The following LSM12 variants were observed in gnomAD, a reference collection of about 807,000 sequenced individuals.
The protein encoded by LSM12 is LSM12 homolog.
For synonymous variants in LSM12, 74 were observed against 87.3 expected (o/e 0.85, Z 0.85); for missense variants, 108 against 238.9 (o/e 0.45, Z 3.61).
At chr17:44,057,129 C>T (rs965576756) in intron 2 of LSM12, among the ~76,000 whole-genome samples, 3 of 151,372 alleles carry the variant, frequency 2.0e-5, no homozygotes, top group Non-Finnish European at 4.4e-5. Context: ...GCACTCCAGC[C>T]TGGGCAACAG....
chr17:44,044,730 G>A (rs1417256682), intron 2 of LSM12, among the ~76,000 whole-genome samples: 3 of 152,150 alleles, frequency 2.0e-5, no homozygotes, highest in Non-Finnish European at 2.9e-5. Context: ...TGAGGGTGGG[G>A]AGAAGGAGAT....
At position 44,058,944 on chromosome 17, in the gene LSM12, G is replaced by A. The variant is rs374469992; in HGVS notation, c.258+4857C>T. On this transcript the variant is annotated intron_variant, in intron 2 of 4. Transcript: ENST00000293406. ...AGCGAACCCTGGAGGTCGAGGCTGCGGTGAGCTGTGACTGCATCATTTGCA... is the reference window on the plus strand; with the variant it reads ...AGCGAACCCTGGAGGTCGAGGCTGCAGTGAGCTGTGACTGCATCATTTGCA... Among the ~76,000 whole-genome samples the A allele has an allele frequency of 7.9e-5, 12 of 151,970 alleles. No homozygotes were observed. In the South Asian group the frequency reaches 8.3e-4, roughly 11 times the overall value.
chr17:44,049,737 G>C (rs562167808), intron 2 of LSM12, among the ~76,000 whole-genome samples: 5 of 152,324 alleles, frequency 3.3e-5, no homozygotes, highest in African/African-American at 1.2e-4. Flanking sequence ...GCCCAGACCA[G>C]GAAGGCACAG....
chr17:44,060,207 G>A (rs2049778597), intron 2 of LSM12, among the ~76,000 whole-genome samples: 1 of 152,090 alleles, frequency 6.6e-6, no homozygotes, highest in African/African-American at 2.4e-5. Flanking sequence ...GTAGGCTAGT[G>A]CTTCTCCAGA....
chr17:44,041,290 AACACACACACACAC>A (rs72358942), intron 2 of LSM12, among the ~76,000 whole-genome samples: 45 of 110,464 alleles, frequency 4.1e-4, no homozygotes, highest in Middle Eastern at 5.2e-3. Flanking sequence ...AAAAAAAACA[AACACACACACACAC>A]ACACACACAC....
intron 2 of LSM12, among the ~76,000 whole-genome samples, chr17:44,041,515 T>A (rs998143910): frequency 2.0e-5 from 3 of 152,142 alleles, no homozygotes; most frequent in Admixed American, 6.6e-5. Context: ...CTCAAGTAAA[T>A]CTAACCATAA....
chr17:44,045,459 A>G (rs1043477320), intron 2 of LSM12, among the ~76,000 whole-genome samples: 2 of 152,180 alleles, frequency 1.3e-5, no homozygotes, highest in East Asian at 3.8e-4. Context: ...TCATGTACCA[A>G]TAGTTTTTTA....
intron 2 of LSM12, among the ~76,000 whole-genome samples, chr17:44,047,693 T>C (rs1049500852): frequency 6.6e-6 from 1 of 151,036 alleles, no homozygotes; most frequent in Non-Finnish European, 1.5e-5. Context: ...CTCCCAAGCA[T>C]CTGGAACCAC....
Position 44,063,918 on chromosome 17 carries a change from A to G in LSM12, c.141T>C (p.Ser47=). 6.2e-7 allele frequency: 1 copy of G among 1,613,258 alleles called. No homozygotes were observed. The highest frequency in any genetic ancestry group is 8.5e-7 in the Non-Finnish European group (1 of 1,179,718). The change falls in exon 2 of 5, where the codon AGT becomes AGC. Residue 47 remains serine, a synonymous_variant. Transcript: ENST00000293406. ...KMLALKCPSS[S]GKPNHADILL... ...AGATGTCTGCATGGTTGGGCTTTCCACTGGAAGAGGGACATTCTGGTGAGA... is the reference window on the plus strand; with the variant it reads ...AGATGTCTGCATGGTTGGGCTTTCCGCTGGAAGAGGGACATTCTGGTGAGA...
intron 1 of LSM12, 115 bp from the exon 2 acceptor site, chr17:44,064,049 C>T: frequency 1.8e-6 from 2 of 1,124,224 alleles, no homozygotes; most frequent in Non-Finnish European, 2.5e-6. Context: ...AGGCCAGGAG[C>T]ATGAGGGCCT....
intron 2 of LSM12, among the ~76,000 whole-genome samples, chr17:44,043,169 G>A (rs2144077310): frequency 6.6e-6 from 1 of 152,322 alleles, no homozygotes; most frequent in Non-Finnish European, 1.5e-5. Context: ...TAGGAAGGAG[G>A]AGCAGGCGTG....
chr17:44,045,053 A>G (rs2049543546), intron 2 of LSM12, among the ~76,000 whole-genome samples: 1 of 152,024 alleles, frequency 6.6e-6, no homozygotes, highest in Non-Finnish European at 1.5e-5. Context: ...TTTGAGACAA[A>G]GTCTTGCTCT....
chr17:44,037,624 T>C, intron 3 of LSM12, 86 bp from the exon 4 acceptor site: 1 of 1,446,758 alleles, frequency 6.9e-7, no homozygotes, highest in Non-Finnish European at 9.1e-7. Context: ...TCCAGAAGGC[T>C]GATCCCAAGT....
At chr17:44,053,343 A>T (rs1308890908) in intron 2 of LSM12, among the ~76,000 whole-genome samples, 1 of 152,222 alleles carries the variant, frequency 6.6e-6, no homozygotes, top group Non-Finnish European at 1.5e-5. Context: ...TGGCCAATAC[A>T]GCCTAAAAGA....
intron 3 of LSM12, among the ~76,000 whole-genome samples, chr17:44,039,600 C>T (rs1169859024): frequency 6.8e-6 from 1 of 147,344 alleles, no homozygotes; most frequent in Non-Finnish European, 1.5e-5. Flanking sequence ...CCAGGATGGT[C>T]TCGATCTCCT....
intron 2 of LSM12, among the ~76,000 whole-genome samples, chr17:44,047,111 A>C (rs1234767464): frequency 2.0e-5 from 3 of 152,194 alleles, no homozygotes; most frequent in Non-Finnish European, 4.4e-5. Flanking sequence ...CCATTTTAGC[A>C]GAAGTATAGC....
At chr17:44,063,973 G>C in intron 1 of LSM12, 39 bp from the exon 2 acceptor site, 1 of 1,605,762 alleles carries the variant, frequency 6.2e-7, no homozygotes, top group Non-Finnish European at 8.5e-7. Flanking sequence ...AATAGGACAA[G>C]CAGAGGCACT....
intron 2 of LSM12, among the ~76,000 whole-genome samples, chr17:44,054,685 T>G (rs2144099513): frequency 6.6e-6 from 1 of 152,258 alleles, no homozygotes; most frequent in East Asian, 1.9e-4. Flanking sequence ...GACATGCCCC[T>G]GCCACTCAGC....
intron 1 of LSM12, among the ~76,000 whole-genome samples, chr17:44,064,501 G>C (rs1597900029): frequency 6.6e-6 from 1 of 152,146 alleles, no homozygotes; most frequent in African/African-American, 2.4e-5. Flanking sequence ...GGGAGGCTGA[G>C]GCGGGCAGAT....
Sources: gnomAD v4.1 joint callset for allele counts (sites outside exome capture counted in the v4.1 genomes callset) on GRCh38, gnomAD v4.1.1 for gene constraint, MANE v1.5 for transcripts, NCBI Gene and HGNC (gene_info 2026-07-23, HGNC 2026-07-21) for gene names.